Variants in LHPP observed in about 807,000 individuals in gnomAD.
The protein encoded by LHPP is phospholysine phosphohistidine inorganic pyrophosphate phosphatase, also known as hLHPP.
A neutral mutation model predicts 30.3 loss-of-function variants in LHPP; 24 were observed. The ratio of observed to expected loss-of-function variants is 0.79; its 90% CI spans 0.57 to 1.11. LHPP has a LOEUF of 1.11. Among genes scored for constraint, LHPP ranks in the 50% most tolerant of loss-of-function variants. The pLI is 0.00. For missense variants in LHPP, 356 were observed against 367.2 expected, an observed-to-expected ratio of 0.97 and a Z score of 0.25; for synonymous variants, 150 against 157.1, an observed-to-expected ratio of 0.95 and a Z score of 0.34.
chr10:124,568,946 T>TCC (rs36056203), intron 6 of LHPP, among the ~76,000 whole-genome samples: 29 of 151,808 alleles, frequency 1.9e-4, no homozygotes, highest in East Asian at 1.2e-3. Flanking sequence ...GCATGTTCTG[T>TCC]CCCCCCCACG....
intron 6 of LHPP, among the ~76,000 whole-genome samples, chr10:124,549,618 T>A (rs1782152850): frequency 6.6e-6 from 1 of 152,218 alleles, no homozygotes; most frequent in African/African-American, 2.4e-5. Flanking sequence ...TTTACTTTTT[T>A]CCCCTTAATC....
intron 5 of LHPP, among the ~76,000 whole-genome samples, chr10:124,501,643 C>G (rs1284600828): frequency 6.8e-6 from 1 of 146,682 alleles, no homozygotes; most frequent in Non-Finnish European, 1.5e-5. Flanking sequence ...TGGAACTGGA[C>G]AGTGATGATG....
At chr10:124,586,191 C>T (rs767737599) in intron 6 of LHPP, among the ~76,000 whole-genome samples, 15 of 152,206 alleles carry the variant, frequency 9.9e-5, no homozygotes, top group Non-Finnish European at 1.9e-4. Context: ...CCTGAAGGAC[C>T]GTGCCCCTCC....
intron 6 of LHPP, chr10:124,605,541 A>G (rs1388972764): frequency 6.6e-6 from 1 of 152,390 alleles, no homozygotes; most frequent in African/African-American, 2.4e-5. Flanking sequence ...AAACGTGAAC[A>G]GGAGTTTGCA....
chr10:124,468,708 T>G (rs1035830638), intron 1 of LHPP, among the ~76,000 whole-genome samples: 1 of 152,212 alleles, frequency 6.6e-6, no homozygotes, highest in South Asian at 2.1e-4. Flanking sequence ...AGCGTGCCCT[T>G]CGGCTCTCGG....
intron 1 of LHPP, 146 bp downstream of exon 1, chr10:124,462,133 C>G: frequency 5.3e-6 from 4 of 760,718 alleles, no homozygotes; most frequent in African/African-American, 1.9e-5. Context: ...GGTGCGCGCA[C>G]AGTGCTGACC....
intron 3 of LHPP, among the ~76,000 whole-genome samples, chr10:124,495,344 C>T (rs1265018087): frequency 1.3e-5 from 2 of 152,204 alleles, no homozygotes; most frequent in Non-Finnish European, 2.9e-5. Flanking sequence ...ACACCTTCAA[C>T]AAACAGACTC....
At chr10:124,543,631 C>T (rs918713077) in intron 6 of LHPP, among the ~76,000 whole-genome samples, 10 of 152,230 alleles carry the variant, frequency 6.6e-5, no homozygotes, top group African/African-American at 1.7e-4. Flanking sequence ...TTGCACTTCT[C>T]AGCTGTGTGG....
intron 6 of LHPP, among the ~76,000 whole-genome samples, chr10:124,569,497 G>A (rs114517821): frequency 2.4e-3 from 361 of 152,210 alleles, no homozygotes; most frequent in African/African-American, 8.2e-3. Flanking sequence ...GGAGGGCAGC[G>A]TTTCCAAAGC....
At chr10:124,577,794 C>T (rs1411185061) in intron 6 of LHPP, among the ~76,000 whole-genome samples, 1 of 113,736 alleles carries the variant, frequency 8.8e-6, no homozygotes, top group Non-Finnish European at 2.1e-5. Flanking sequence ...TGCCCCTCCT[C>T]CACTCTGGCA....
intron 5 of LHPP, among the ~76,000 whole-genome samples, chr10:124,505,004 C>A (rs1421313818): frequency 6.6e-6 from 1 of 152,050 alleles, no homozygotes; most frequent in African/African-American, 2.4e-5. Context: ...CCCTGGAGAG[C>A]GAAAGACTTG....
intron 6 of LHPP, among the ~76,000 whole-genome samples, chr10:124,608,569 G>A (rs1367106518): frequency 1.3e-5 from 2 of 152,252 alleles, no homozygotes; most frequent in African/African-American, 4.8e-5. Context: ...GCTGGTAGGG[G>A]GCGGAGCCAG....
intron 6 of LHPP, among the ~76,000 whole-genome samples, chr10:124,607,700 C>A (rs146021471): frequency 6.6e-6 from 1 of 152,062 alleles, no homozygotes; most frequent in African/African-American, 2.4e-5. Context: ...CCCGGGGGCT[C>A]GGATGATGAA....
At position 124,462,006 on chromosome 10, in the gene LHPP, G is replaced by A; in HGVS notation, c.125+19G>A. The A allele has an allele frequency of 1.7e-6, 2 of 1,204,364 alleles. No homozygotes were observed. The highest frequency in any genetic ancestry group is 8.8e-5 in the Admixed American group (2 of 22,666). 74.6% of individuals were successfully genotyped at this position (1,204,364 alleles called of 1,614,324 possible). A position where few individuals can be genotyped will look rare whatever the true frequency, so the allele number is the denominator to read the frequency against. On this transcript the variant is annotated intron_variant, in intron 1 of 6. Coordinates refer to ENST00000368842, the MANE Select transcript of LHPP (RefSeq NM_022126.4). ...TGGCCAGGTGAGTGGGCCCCGGGAC[G>A]CCGCTGGGGCCGCCGAGCTCTAAGC...
At chr10:124,549,178 T>C (rs1955420527) in intron 6 of LHPP, among the ~76,000 whole-genome samples, 1 of 152,222 alleles carries the variant, frequency 6.6e-6, no homozygotes, top group South Asian at 2.1e-4. Flanking sequence ...GGCTCACATC[T>C]GTATTCCCAA....
In LHPP at chr10:124,484,040, G is replaced by C. The variant is rs550163511; in HGVS notation, c.126-99G>C. ...GCTCGCAGTGGCCTAGTCTGCTCTG[G>C]GCTTTGCTGGATGCCCTTCGAGAAT... On this transcript the variant is annotated intron_variant, in intron 1 of 6. Transcript: ENST00000368842. 27 of 1,164,030 alleles carry C rather than the reference G, an allele frequency of 2.3e-5. 1 individual carries two copies. In the African/African-American group the frequency reaches 4.0e-4, roughly 17 times the overall value. 72.1% of individuals were successfully genotyped at this position (1,164,030 alleles called of 1,614,324 possible). A position where few individuals can be genotyped will look rare whatever the true frequency, so the allele number is the denominator to read the frequency against.
chr10:124,517,126 C>A lies in LHPP; in HGVS notation c.625-54C>A. ...TATGTCAAAAAAAGATGAAGGAGCC[C>A]GGGAATAAAACTCTCCTGACATCAC... On this transcript the variant is annotated intron_variant, in intron 5 of 6. Coordinates refer to ENST00000368842, the MANE Select transcript of LHPP (RefSeq NM_022126.4). This position sits in a 1 kb window ranked among gnomAD's most constrained non-coding sequence, Gnocchi z 4.1. The A allele has an allele frequency of 8.1e-7, 1 of 1,227,242 alleles. No homozygotes were observed. The highest frequency in any genetic ancestry group is 1.1e-6 in the Non-Finnish European group (1 of 885,580). 76.0% of individuals were successfully genotyped at this position (1,227,242 alleles called of 1,614,324 possible).
chr10:124,535,130 G>A (rs943598940), intron 6 of LHPP, among the ~76,000 whole-genome samples: 1 of 152,184 alleles, frequency 6.6e-6, no homozygotes, highest in African/African-American at 2.4e-5. Context: ...TCCTAAGGTT[G>A]TTGGGAAAAC....
rs913362028 is a variant in LHPP at position 124,561,638 on chromosome 10, C to G, written c.716+44367C>G. Among the ~76,000 whole-genome samples, 3 of 151,732 alleles carry G rather than the reference C, an allele frequency of 2.0e-5. No homozygotes were observed. The East Asian group carries it at 5.9e-4, about 30-fold the overall frequency. ...CCTTGAAGAGCAGTAATGAGAGCAC[C>G]TCCCCCACCTCAGTGTCAGCAGAGG... On this transcript the variant is annotated intron_variant, in intron 6 of 6. Coordinates refer to ENST00000368842, the MANE Select transcript of LHPP (RefSeq NM_022126.4).
Sources: gnomAD v4.1 joint callset for allele counts (sites outside exome capture counted in the v4.1 genomes callset) on GRCh38, gnomAD v4.1.1 for gene constraint, Gnocchi (gnomAD v3.1) non-coding constraint, MANE v1.5 for transcripts, NCBI Gene and HGNC (gene_info 2026-07-23, HGNC 2026-07-21) for gene names.